TENM2: variants seen among roughly 807,000 people sequenced by gnomAD.
TENM2 encodes teneurin-2.
A neutral mutation model predicts 245.2 loss-of-function variants in TENM2; 52 were observed. The observed-to-expected ratio is 0.21, with a 90% CI of 0.17 to 0.27. TENM2 has a LOEUF of 0.27. Ranked by LOEUF, TENM2 falls within the 10% of genes least tolerant of loss-of-function variation. The probability of loss-of-function intolerance (pLI) is 1.00; values close to 1 mark genes in which losing one functional copy is unlikely to be tolerated. For synonymous variants in TENM2, 1,363 were observed against 1,438.9 expected (o/e 0.95, Z 1.19); for missense variants, 3,046 against 3,666.8 (o/e 0.83, Z 4.37).
intron 2 of TENM2, among the ~76,000 whole-genome samples, chr5:167,749,378 G>T (rs1445624536): frequency 1.3e-5 from 2 of 152,156 alleles, no homozygotes; most frequent in African/African-American, 4.8e-5. Flanking sequence ...GGTGGCTCAT[G>T]CCTATAATTT....
At chr5:168,101,951 C>T (rs1052842183) in intron 9 of TENM2, among the ~76,000 whole-genome samples, 6 of 152,116 alleles carry the variant, frequency 3.9e-5, no homozygotes, top group Non-Finnish European at 4.4e-5. Context: ...CTTTCATGTA[C>T]CACCTTTATT....
chr5:167,766,251 G>A (rs1763011395), intron 2 of TENM2, among the ~76,000 whole-genome samples: 1 of 152,074 alleles, frequency 6.6e-6, no homozygotes, highest in Admixed American at 6.5e-5. Flanking sequence ...ATTAATATGT[G>A]CGAGTATTCT....
chr5:167,746,710 A>AGAGCGAGAGAGAGAGAGAGAGCGAGC (rs1554109881), intron 2 of TENM2, among the ~76,000 whole-genome samples: 1 of 144,862 alleles, frequency 6.9e-6, no homozygotes, highest in Non-Finnish European at 1.5e-5. Context: ...AGAGAGAGAG[A>AGAGCGAGAGAGAGAGAGAGAGCGAGC]GAGAGCTGGA....
chr5:167,585,794 TCAAC>T (rs1207474205), intron 2 of TENM2, among the ~76,000 whole-genome samples: 6 of 152,130 alleles, frequency 3.9e-5, no homozygotes, highest in Non-Finnish European at 8.8e-5. Context: ...CTTTATGGAT[TCAAC>T]CAACCATAGA....
At chr5:167,059,643 C>G in the TENM2 span, among the ~76,000 whole-genome samples, 1 of 91,240 alleles carries the variant, frequency 1.1e-5, no homozygotes, top group Admixed American at 9.5e-5. Flanking sequence ...CTAACAGCTA[C>G]TGATTCCTAG....
In TENM2 at chr5:167,764,603, C is replaced by A. The variant is rs571094730; in HGVS notation, c.503-111383C>A. Among the ~76,000 whole-genome samples, 43 of 152,286 alleles carry A rather than the reference C, an allele frequency of 2.8e-4. No homozygotes were observed. The South Asian group carries it at 8.7e-3, about 31-fold the overall frequency. ...TGAGTTACATGTGGCAAATTTTTAC[C>A]TGCCTCTTTAGATCTAAATAGAGCG... On this transcript the variant is annotated intron_variant, in intron 2 of 28. Coordinates refer to ENST00000518659, the Ensembl canonical transcript of TENM2.
chr5:167,030,768 GCTT>G, the TENM2 span, among the ~76,000 whole-genome samples: 3 of 152,156 alleles, frequency 2.0e-5, no homozygotes, highest in Admixed American at 6.5e-5. Flanking sequence ...AAGGGAAGGA[GCTT>G]CTTTGTAGGA....
chr5:167,344,250 A>T (rs891299006), intron 1 of TENM2, among the ~76,000 whole-genome samples: 2 of 148,940 alleles, frequency 1.3e-5, no homozygotes, highest in Admixed American at 1.4e-4. Context: ...TAATATATAT[A>T]ACAGAGAATA....
At chr5:167,952,666 A>T (rs1306216602) in exon 4 of TENM2, 1 of 1,608,012 alleles carries the variant, frequency 6.2e-7, no homozygotes, top group Non-Finnish European at 8.5e-7. Flanking sequence ...TCCCATCACC[A>T]CTCGTCCGCC....
rs139739600 is a variant in TENM2 at position 167,822,129 on chromosome 5, T to A, written c.503-53857T>A. 9.2e-5 allele frequency among the ~76,000 whole-genome samples: 14 copies of A among 152,104 alleles called. No homozygotes were observed. In the East Asian group the frequency reaches 2.7e-3, roughly 29 times the overall value. ...ACTTTTCCAGCAAACCTTCCACTCT[T>A]TGGGAAAGAGCATGCCCATCTGTGA... On this transcript the variant is annotated intron_variant, in intron 2 of 28. Transcript: ENST00000518659.
chr5:168,112,607 G>T (rs534766649), intron 9 of TENM2, among the ~76,000 whole-genome samples: 6 of 27,542 alleles, frequency 2.2e-4, no homozygotes, highest in African/African-American at 9.9e-4. Context: ...TGCAGTGGGC[G>T]GGGGGGGGGT....
chr5:167,390,941 T>C (rs1294704166), intron 2 of TENM2, among the ~76,000 whole-genome samples: 1 of 152,136 alleles, frequency 6.6e-6, no homozygotes, highest in East Asian at 1.9e-4. Flanking sequence ...TGCTCCCACT[T>C]CTCTTCTAAA....
rs560191986 is a variant in TENM2, at chr5:168,144,435, G to GT, written c.2422+17475dup. ...TGTAAGTGAGAATATGTGGTGTTTG[G>GT]TTTTTTGTTCTTGCAATAGTTTACT... On this transcript the variant is annotated intron_variant, in intron 12 of 28. Coordinates refer to ENST00000518659, the Ensembl canonical transcript of TENM2. 5.5e-3 allele frequency among the ~76,000 whole-genome samples: 832 copies of GT among 152,000 alleles called. 2 individuals are homozygous for GT. The highest frequency in any genetic ancestry group is 8.2e-3 in the Non-Finnish European group (555 of 67,976).
intron 5 of TENM2, among the ~76,000 whole-genome samples, chr5:168,017,821 A>T (rs1484682059): frequency 6.6e-6 from 1 of 152,088 alleles, no homozygotes; most frequent in Admixed American, 6.6e-5. Context: ...CAAAATAGAG[A>T]CTGACTTCAT....
the TENM2 span, among the ~76,000 whole-genome samples, chr5:167,046,606 G>T: frequency 6.6e-6 from 1 of 152,168 alleles, no homozygotes; most frequent in Non-Finnish European, 1.5e-5. Context: ...CAGTGTGAGT[G>T]TCTCCACTTA....
chr5:167,543,073 A>G (rs12514409), intron 2 of TENM2, among the ~76,000 whole-genome samples: 9,405 of 152,224 alleles, frequency 0.062, 667 homozygotes, highest in East Asian at 0.29. Flanking sequence ...AGGACTACTG[A>G]TTTTAAAACT....
At chr5:167,497,906 T>C (rs926541278) in intron 2 of TENM2, among the ~76,000 whole-genome samples, 1 of 152,020 alleles carries the variant, frequency 6.6e-6, no homozygotes, top group Non-Finnish European at 1.5e-5. Flanking sequence ...CATCTATCCT[T>C]GTAATATGGT....
chr5:168,149,613 C>T (rs1323009148), intron 12 of TENM2, among the ~76,000 whole-genome samples: 3 of 152,176 alleles, frequency 2.0e-5, no homozygotes, highest in Non-Finnish European at 4.4e-5. Context: ...CCCAGATGGT[C>T]CTGATGGGTC....
At chr5:167,326,986 C>T (rs1372619148) in intron 1 of TENM2, among the ~76,000 whole-genome samples, 5 of 151,856 alleles carry the variant, frequency 3.3e-5, no homozygotes, top group African/African-American at 4.8e-5. Flanking sequence ...AAGGAAAACC[C>T]GGCAAATTCT....
Sources: gnomAD v4.1 joint callset for allele counts (sites outside exome capture counted in the v4.1 genomes callset) on GRCh38, gnomAD v4.1.1 for gene constraint, MANE v1.5 for transcripts, NCBI Gene and HGNC (gene_info 2026-07-23, HGNC 2026-07-21) for gene names.